Variants in GDA observed in about 807,000 individuals in gnomAD.
The protein encoded by GDA is guanine deaminase.
A neutral mutation model predicts 59.6 loss-of-function variants in GDA; 18 were observed. The ratio of observed to expected loss-of-function variants is 0.30; its 90% CI spans 0.21 to 0.45. The LOEUF is 0.45. Ranked by LOEUF, GDA falls within the 20% of genes least tolerant of loss-of-function variation. The pLI, the probability that GDA is intolerant of heterozygous loss-of-function variation, is 1.00. For synonymous variants in GDA, 201 were observed against 201.1 expected (o/e 1.00, Z 0.00); for missense variants, 427 against 552.3 (o/e 0.77, Z 2.27).
chr9:72,134,693 T>C (rs536059051), intron 1 of GDA, among the ~76,000 whole-genome samples: 34 of 152,342 alleles, frequency 2.2e-4, no homozygotes, highest in Non-Finnish European at 4.1e-4. Context: ...CGTGAGCCAC[T>C]GCACCTGGCC....
chr9:72,225,893 A>C (rs942463029), intron 8 of GDA, 109 bp downstream of exon 8: 1 of 570,402 alleles, frequency 1.8e-6, no homozygotes, highest in East Asian at 3.0e-5. Flanking sequence ...TTTCTTTAAA[A>C]ATTTTTTTTA....
At chr9:72,240,404 G>A (rs1839482758) in intron 10 of GDA, among the ~76,000 whole-genome samples, 1 of 152,074 alleles carries the variant, frequency 6.6e-6, no homozygotes, top group Non-Finnish European at 1.5e-5. Flanking sequence ...TTATAACTAT[G>A]CAGGCATATT....
chr9:72,199,605 C>T (rs2131315712), intron 2 of GDA, among the ~76,000 whole-genome samples: 1 of 152,324 alleles, frequency 6.6e-6, no homozygotes, highest in South Asian at 2.1e-4. Flanking sequence ...CAAACACTCT[C>T]TTTTTAGCAC....
chr9:72,136,751 G>A (rs551269408), intron 1 of GDA, among the ~76,000 whole-genome samples: 12 of 152,212 alleles, frequency 7.9e-5, no homozygotes, highest in East Asian at 3.9e-4. Context: ...CGAGGTGGGC[G>A]GATCACGAGG....
chr9:72,120,295 C>A (rs10869123), intron 1 of GDA, among the ~76,000 whole-genome samples: 1 of 151,608 alleles, frequency 6.6e-6, no homozygotes, highest in Non-Finnish European at 1.5e-5. Flanking sequence ...TCAAGCGATT[C>A]TCCTGCCTTG....
intron 2 of GDA, 126 bp downstream of exon 2, chr9:72,195,714 T>A (rs944797375): frequency 3.2e-5 from 12 of 372,408 alleles, no homozygotes; most frequent in Non-Finnish European, 5.9e-5. Flanking sequence ...TTTGTATTAA[T>A]TATTTGTTAA....
rs114169576 is a variant in GDA at position 72,131,681 on chromosome 9, T to G, written c.-100+16848T>G. On this transcript the variant is annotated intron_variant, in intron 1 of 13. Coordinates refer to the GDA transcript ENST00000545168. Reference sequence around the variant, plus strand: ...CACACACAAACACACACACATCAATTCCAAGGCCTCTCTACAAGACATCAT... The same window carrying G: ...CACACACAAACACACACACATCAATGCCAAGGCCTCTCTACAAGACATCAT... 4.9e-3 allele frequency among the ~76,000 whole-genome samples: 744 copies of G among 151,150 alleles called. 7 individuals are homozygous for G. The highest frequency in any genetic ancestry group is 0.017 in the African/African-American group (703 of 41,298).
At chr9:72,171,302 G>T (rs1292879842) in intron 1 of GDA, among the ~76,000 whole-genome samples, 1 of 151,988 alleles carries the variant, frequency 6.6e-6, no homozygotes, top group East Asian at 1.9e-4. Context: ...GATCATTTTT[G>T]ATTGTCTCTT....
chr9:72,132,966 G>A (rs1826075925), intron 1 of GDA, among the ~76,000 whole-genome samples: 1 of 152,178 alleles, frequency 6.6e-6, no homozygotes, highest in Non-Finnish European at 1.5e-5. Flanking sequence ...TCAATTTCAG[G>A]TGAACTATTA....
Position 72,249,047 on chromosome 9 carries a change from GT to G in GDA, c.*706del. On this transcript the variant is annotated 3_prime_UTR_variant, in exon 14 of 14. Coordinates refer to ENST00000358399, the MANE Select transcript of GDA (RefSeq NM_004293.5). ...CTTCAAAGTGTTTGACAGAAGTTGG[GT>G]ATTAAAGATTTAAAGTCTCTTAGGA... The G allele has an allele frequency of 2.0e-6, 2 of 984,602 alleles. No homozygotes were observed. The highest frequency in any genetic ancestry group is 3.5e-5 in the African/African-American group (2 of 57,286). The allele number at this position is 984,602 out of a possible 1,614,324, so 61.0% of individuals were successfully genotyped here. A position where few individuals can be genotyped will look rare whatever the true frequency, so the allele number is the denominator to read the frequency against.
intron 1 of GDA, among the ~76,000 whole-genome samples, chr9:72,178,317 T>C (rs951962792): frequency 1.6e-4 from 25 of 152,184 alleles, no homozygotes; most frequent in African/African-American, 6.0e-4. Context: ...TGGTATTATT[T>C]AACTAAATCA....
At chr9:72,178,155 A>G (rs1262623008) in intron 1 of GDA, among the ~76,000 whole-genome samples, 1 of 152,232 alleles carries the variant, frequency 6.6e-6, no homozygotes, top group East Asian at 1.9e-4. Context: ...CTTTGGAATA[A>G]GGAGTGTGGT....
intron 12 of GDA, among the ~76,000 whole-genome samples, chr9:72,246,505 G>A (rs914835858): frequency 6.6e-6 from 1 of 152,208 alleles, no homozygotes; most frequent in Non-Finnish European, 1.5e-5. Flanking sequence ...AAGAACCCAA[G>A]AAACAGGTAA....
chr9:72,166,207 C>T (rs1829289792), intron 1 of GDA, among the ~76,000 whole-genome samples: 1 of 152,118 alleles, frequency 6.6e-6, no homozygotes. Flanking sequence ...GAAAACTATC[C>T]CTGTGATCTA....
chr9:72,192,415 A>C (rs933227693), intron 1 of GDA, among the ~76,000 whole-genome samples: 2 of 150,132 alleles, frequency 1.3e-5, no homozygotes, highest in African/African-American at 4.9e-5. Flanking sequence ...TAGTTTTAGT[A>C]GAGACGGGTT....
At chr9:72,225,628 T>G (rs1364338594) in intron 7 of GDA, 49 bp from the exon 8 acceptor site, 1 of 884,234 alleles carries the variant, frequency 1.1e-6, no homozygotes, top group Non-Finnish European at 1.8e-6. Context: ...GTGTAATTTC[T>G]AATGGTATTT....
intron 11 of GDA, among the ~76,000 whole-genome samples, chr9:72,242,584 G>A (rs1244578112): frequency 1.3e-5 from 2 of 152,178 alleles, no homozygotes; most frequent in African/African-American, 4.8e-5. Context: ...ATCCTGGGAA[G>A]AGAAACTTCT....
chr9:72,216,828 A>G (rs1836195300), intron 5 of GDA, among the ~76,000 whole-genome samples: 1 of 152,036 alleles, frequency 6.6e-6, no homozygotes, highest in Non-Finnish European at 1.5e-5. Flanking sequence ...GGCGCCCGCC[A>G]CCACGCCCAG....
intron 1 of GDA, among the ~76,000 whole-genome samples, chr9:72,179,722 A>C (rs1830951321): frequency 6.6e-6 from 1 of 152,214 alleles, no homozygotes; most frequent in Non-Finnish European, 1.5e-5. Flanking sequence ...TTTGAAGTCC[A>C]AGATCAAGGA....
Sources: gnomAD v4.1 joint callset for allele counts (sites outside exome capture counted in the v4.1 genomes callset) on GRCh38, gnomAD v4.1.1 for gene constraint, MANE v1.5 for transcripts, NCBI Gene and HGNC (gene_info 2026-07-23, HGNC 2026-07-21) for gene names.